The following SMARCAD1 variants were observed in gnomAD, a reference collection of about 807,000 sequenced individuals.
The protein encoded by SMARCAD1 is SWI/SNF-related matrix-associated actin-dependent regulator of chromatin subfamily A containing DEAD/H box 1.
A neutral mutation model predicts 127.1 loss-of-function variants in SMARCAD1; 25 were observed. The observed-to-expected ratio is 0.20, with a 90% CI of 0.14 to 0.27. The LOEUF is 0.27. SMARCAD1 is among the 10% of genes least tolerant of loss of function. The pLI is 1.00. For missense variants in SMARCAD1, 807 were observed against 1,206.0 expected, an observed-to-expected ratio of 0.67 and a Z score of 4.90; for synonymous variants, 400 against 396.9, an observed-to-expected ratio of 1.01 and a Z score of -0.09.
intron 23 of SMARCAD1, among the ~76,000 whole-genome samples, chr4:94,285,337 G>A (rs376910298): frequency 1.8e-4 from 28 of 152,128 alleles, no homozygotes; most frequent in South Asian, 1.0e-3. Flanking sequence ...CCTCCTAGTC[G>A]CCCCATCTCC....
At position 94,208,593 on chromosome 4, in the gene SMARCAD1, C is replaced by T; in HGVS notation, c.190+9C>T. ...TATAACTGAAAAAACAGGTGAGTTA[C>T]AATGTTAAAATTGATGTAACATCAA... is the stretch of plus-strand genomic sequence containing the variant. On this transcript the variant is annotated intron_variant, in intron 2 of 23. Coordinates refer to ENST00000354268, the MANE Select transcript of SMARCAD1 (RefSeq NM_020159.5). The T allele has an allele frequency of 6.2e-7, 1 of 1,612,690 alleles. No individual in the cohort carries two copies.
intron 2 of SMARCAD1, among the ~76,000 whole-genome samples, chr4:94,213,671 A>G (rs952955876): frequency 2.0e-5 from 3 of 152,168 alleles, no homozygotes; most frequent in African/African-American, 7.2e-5. Context: ...TACGCATTTG[A>G]TGATATTAGG....
At chr4:94,216,237 A>G (rs538396985) in intron 2 of SMARCAD1, among the ~76,000 whole-genome samples, 1 of 152,182 alleles carries the variant, frequency 6.6e-6, no homozygotes, top group South Asian at 2.1e-4. Context: ...TCACCTCCTA[A>G]TACCATTACC....
At chr4:94,258,397 C>T (rs369198876) in intron 9 of SMARCAD1, among the ~76,000 whole-genome samples, 3 of 152,098 alleles carry the variant, frequency 2.0e-5, no homozygotes, top group East Asian at 3.9e-4. Context: ...TCAAGTGATC[C>T]GCTCACCTCC....
chr4:94,257,896 G>A (rs1750362666), intron 9 of SMARCAD1, among the ~76,000 whole-genome samples: 1 of 151,990 alleles, frequency 6.6e-6, no homozygotes, highest in Admixed American at 6.6e-5. Flanking sequence ...CACTTCACAT[G>A]CCCATTTTCT....
chr4:94,258,622 A>G (rs1244661336), intron 9 of SMARCAD1, among the ~76,000 whole-genome samples: 2 of 152,010 alleles, frequency 1.3e-5, no homozygotes, highest in Non-Finnish European at 2.9e-5. Context: ...CACTTTTTTT[A>G]TTCCATTGGT....
At chr4:94,251,715 G>A (rs1749297243) in intron 8 of SMARCAD1, among the ~76,000 whole-genome samples, 1 of 152,128 alleles carries the variant, frequency 6.6e-6, no homozygotes. Context: ...TTGTATTATA[G>A]ATTGGTGCAT....
intron 3 of SMARCAD1, among the ~76,000 whole-genome samples, chr4:94,229,894 T>C (rs1745573168): frequency 6.6e-6 from 1 of 151,952 alleles, no homozygotes; most frequent in South Asian, 2.1e-4. Flanking sequence ...TGTTTTCTTC[T>C]GACAGTGAGA....
rs1290788912 is a variant in SMARCAD1 at position 94,290,844 on chromosome 4, A to G, written c.*1310A>G. 2.3e-6 allele frequency: 1 copy of G among 440,430 alleles called. No homozygotes were observed. Among genetic ancestry groups the G allele is most frequent in the Non-Finnish European group, 4.5e-6 (1 of 221,888 alleles). The allele number at this position is 440,430 out of a possible 1,614,324, so 27.3% of individuals were successfully genotyped here. Reference sequence around the variant, plus strand: ...AAAGATTTGTTAATTTTTGGAAATCATGCTTTTCAAAGCATCCTAACTTGC... The same window carrying G: ...AAAGATTTGTTAATTTTTGGAAATCGTGCTTTTCAAAGCATCCTAACTTGC... On this transcript the variant is annotated 3_prime_UTR_variant, in exon 24 of 24. Coordinates refer to ENST00000354268, the MANE Select transcript of SMARCAD1 (RefSeq NM_020159.5).
intron 10 of SMARCAD1, among the ~76,000 whole-genome samples, chr4:94,266,428 AGTTGTT>A (rs1249754511): frequency 6.6e-6 from 1 of 152,112 alleles, no homozygotes; most frequent in Admixed American, 6.6e-5. Flanking sequence ...TGAGAAAAAT[AGTTGTT>A]GTTGTTGTTT....
chr4:94,242,741 C>CAA (rs35038953), intron 6 of SMARCAD1, among the ~76,000 whole-genome samples: 18,194 of 127,316 alleles, frequency 0.14, 1,420 homozygotes, highest in Non-Finnish European at 0.19. Flanking sequence ...CCTGTCTCTG[C>CAA]AAAAAAAAAA....
chr4:94,216,186 T>C (rs1239720040), intron 2 of SMARCAD1, among the ~76,000 whole-genome samples: 1 of 152,190 alleles, frequency 6.6e-6, no homozygotes, highest in African/African-American at 2.4e-5. Context: ...ATGAGTGCTC[T>C]GCCCCCATCA....
intron 4 of SMARCAD1, 82 bp from the exon 5 acceptor site, chr4:94,236,865 TTAATA>T: frequency 9.6e-7 from 1 of 1,038,434 alleles, no homozygotes; most frequent in Non-Finnish European, 1.5e-6. Context: ...ATGTTTATAT[TTAATA>T]TGTTTGTTCT....
intron 3 of SMARCAD1, among the ~76,000 whole-genome samples, chr4:94,232,793 T>G (rs1295755501): frequency 6.6e-6 from 1 of 151,394 alleles, no homozygotes; most frequent in Non-Finnish European, 1.5e-5. Flanking sequence ...TAAAATCTCC[T>G]GGGAAACATG....
At position 94,284,998 on chromosome 4, in the gene SMARCAD1, T is replaced by C. The variant is rs749812122; in HGVS notation, c.2948T>C (p.Ile983Thr). The change falls in exon 23 of 24, where the codon ATT becomes ACT. Residue 983 changes from isoleucine (I) to threonine (T), a missense_variant. Physicochemically the swap from Ile to Thr is moderately conservative, Grantham distance 89. Transcript: ENST00000354268. ...LVIKLISQGTIEESMLKINQQ... is the reference protein window; with the variant it reads ...LVIKLISQGTTEESMLKINQQ... The stretch of plus-strand genomic sequence containing the variant: ...ATAAAACTAATAAGCCAAGGGACGA[T>C]TGAAGAATCCATGCTAAAAATTAAC... The C allele has an allele frequency of 6.2e-7, 1 of 1,613,280 alleles. No homozygotes were observed. Among genetic ancestry groups the C allele is most frequent in the Non-Finnish European group, 8.5e-7 (1 of 1,179,372 alleles).
At chr4:94,217,161 T>C (rs1743324957) in intron 2 of SMARCAD1, among the ~76,000 whole-genome samples, 1 of 152,192 alleles carries the variant, frequency 6.6e-6, no homozygotes, top group Non-Finnish European at 1.5e-5. Flanking sequence ...GGTTTCGTGT[T>C]GATTTTTAAC....
chr4:94,262,261 T>C (rs1751103719), intron 9 of SMARCAD1, among the ~76,000 whole-genome samples: 1 of 152,166 alleles, frequency 6.6e-6, no homozygotes, highest in South Asian at 2.1e-4. Flanking sequence ...CAGACTTCCT[T>C]TGCCATCTTG....
intron 9 of SMARCAD1, among the ~76,000 whole-genome samples, chr4:94,261,196 C>T (rs1205425915): frequency 6.6e-6 from 1 of 150,954 alleles, no homozygotes; most frequent in African/African-American, 2.4e-5. Flanking sequence ...GCTTCAGCTT[C>T]ACTTTGAATA....
intron 6 of SMARCAD1, among the ~76,000 whole-genome samples, chr4:94,244,868 T>C (rs1037338353): frequency 6.6e-6 from 1 of 152,142 alleles, no homozygotes; most frequent in Non-Finnish European, 1.5e-5. Context: ...AAAAACCACC[T>C]CTCTGATAAC....
Sources: gnomAD v4.1 joint callset for allele counts (sites outside exome capture counted in the v4.1 genomes callset) on GRCh38, gnomAD v4.1.1 for gene constraint, MANE v1.5 for transcripts, NCBI Gene and HGNC (gene_info 2026-07-23, HGNC 2026-07-21) for gene names.